Variants in ROBO2 observed in about 807,000 individuals in gnomAD.
ROBO2 encodes roundabout guidance receptor 2.
In ROBO2, 53 loss-of-function variants were observed where a neutral mutation model predicts 160.8. The ratio of observed to expected loss-of-function variants is 0.33; its 90% CI spans 0.26 to 0.41. The LOEUF (loss-of-function observed/expected upper bound fraction) is 0.41, where lower values mean the gene tolerates loss of function less well. Ranked by LOEUF, ROBO2 falls within the 10% of genes least tolerant of loss-of-function variation. The pLI is 1.00. For missense variants in ROBO2, 1,577 were observed against 1,722.4 expected, an observed-to-expected ratio of 0.92 and a Z score of 1.49; for synonymous variants, 664 against 611.7, an observed-to-expected ratio of 1.09 and a Z score of -1.26.
chr3:77,426,321 A>G (rs1260416705), intron 2 of ROBO2, among the ~76,000 whole-genome samples: 1 of 152,258 alleles, frequency 6.6e-6, no homozygotes, highest in Non-Finnish European at 1.5e-5. Context: ...TAAAGGAACC[A>G]TGAACAGAGA....
At chr3:76,284,910 A>G (rs145080351) in intron 2 of ROBO2, among the ~76,000 whole-genome samples, 4 of 152,208 alleles carry the variant, frequency 2.6e-5, no homozygotes, top group African/African-American at 9.6e-5. Context: ...TCACAATCCA[A>G]TCTCATTGGT....
intron 2 of ROBO2, among the ~76,000 whole-genome samples, chr3:76,532,585 G>A (rs2082287530): frequency 6.6e-6 from 1 of 152,132 alleles, no homozygotes; most frequent in African/African-American, 2.4e-5. Context: ...TTTATATTCT[G>A]TGTCAGTGGT....
intron 2 of ROBO2, among the ~76,000 whole-genome samples, chr3:76,032,910 G>C (rs939626820): frequency 9.9e-5 from 15 of 152,208 alleles, no homozygotes; most frequent in Admixed American, 9.8e-4. Context: ...AGTTTCAATT[G>C]GATATTATAT....
At chr3:77,295,152 C>A (rs1156577176) in intron 2 of ROBO2, among the ~76,000 whole-genome samples, 1 of 142,366 alleles carries the variant, frequency 7.0e-6, no homozygotes, top group African/African-American at 2.7e-5. Context: ...GTAAAATTGA[C>A]GGTTAAACGG....
At chr3:76,510,332 A>C (rs2107740881) in intron 2 of ROBO2, among the ~76,000 whole-genome samples, 1 of 152,352 alleles carries the variant, frequency 6.6e-6, no homozygotes, top group East Asian at 1.9e-4. Flanking sequence ...GAAATGTCTT[A>C]TAGAAAAGCA....
intron 2 of ROBO2, among the ~76,000 whole-genome samples, chr3:76,687,196 C>T (rs1004413417): frequency 1.3e-5 from 2 of 152,048 alleles, no homozygotes; most frequent in African/African-American, 4.8e-5. Context: ...TTGATCATAG[C>T]ACAGAGGTCA....
intron 2 of ROBO2, among the ~76,000 whole-genome samples, chr3:77,171,629 A>G (rs1560158472): frequency 6.6e-6 from 1 of 152,224 alleles, no homozygotes; most frequent in Non-Finnish European, 1.5e-5. Flanking sequence ...CCAAATGGAC[A>G]CTAATAAGTT....
intron 2 of ROBO2, among the ~76,000 whole-genome samples, chr3:76,742,800 C>A (rs1276597237): frequency 6.7e-6 from 1 of 150,084 alleles, no homozygotes; most frequent in Non-Finnish European, 1.5e-5. Flanking sequence ...ACACACCCAC[C>A]CACCCAACCC....
At chr3:77,089,702 G>C (rs1394853407) in intron 1 of ROBO2, among the ~76,000 whole-genome samples, 1 of 152,090 alleles carries the variant, frequency 6.6e-6, no homozygotes, top group African/African-American at 2.4e-5. Flanking sequence ...ATTTCAAATG[G>C]ATAAAATGGA....
intron 13 of ROBO2, among the ~76,000 whole-genome samples, chr3:77,569,827 G>A (rs1035645038): frequency 1.3e-5 from 2 of 151,644 alleles, no homozygotes; most frequent in African/African-American, 4.8e-5. Context: ...ACAAAATTGG[G>A]TTGTATATAT....
intron 2 of ROBO2, among the ~76,000 whole-genome samples, chr3:76,442,282 G>A (rs2076957913): frequency 1.3e-5 from 2 of 152,140 alleles, no homozygotes; most frequent in South Asian, 4.1e-4. Flanking sequence ...AACTGCCCCA[G>A]CAACTTATCC....
chr3:76,127,713 A>G (rs921289486), intron 2 of ROBO2, among the ~76,000 whole-genome samples: 12 of 151,986 alleles, frequency 7.9e-5, no homozygotes, highest in Non-Finnish European at 1.5e-4. Flanking sequence ...ACAGGTGATA[A>G]CACAACTTCT....
At chr3:77,034,441 C>G (rs992970934) in intron 2 of ROBO2, among the ~76,000 whole-genome samples, 14 of 149,546 alleles carry the variant, frequency 9.4e-5, no homozygotes, top group Admixed American at 9.3e-4. Context: ...TTTGTTTTAT[C>G]AGGCAGAAAT....
chr3:77,186,069 T>C (rs2081258784), intron 2 of ROBO2, among the ~76,000 whole-genome samples: 3 of 151,884 alleles, frequency 2.0e-5, no homozygotes, highest in Middle Eastern at 3.2e-3. Context: ...GACTACAAAT[T>C]GGGTGCAGTG....
At chr3:76,556,170 T>C (rs1047081466) in intron 2 of ROBO2, among the ~76,000 whole-genome samples, 10 of 152,004 alleles carry the variant, frequency 6.6e-5, no homozygotes, top group Admixed American at 3.3e-4. Context: ...ACTCCATAGG[T>C]TGTAGTCCTC....
At chr3:77,159,654 A>C (rs2078315215) in intron 2 of ROBO2, among the ~76,000 whole-genome samples, 1 of 152,212 alleles carries the variant, frequency 6.6e-6, no homozygotes, top group East Asian at 1.9e-4. Flanking sequence ...AGCTCTGTCA[A>C]AAGAAATGTA....
chr3:76,939,414 T>G (rs1559734784), intron 2 of ROBO2, among the ~76,000 whole-genome samples: 1 of 152,226 alleles, frequency 6.6e-6, no homozygotes, highest in Non-Finnish European at 1.5e-5. Context: ...ATACCAGTGA[T>G]GAGCTATAAG....
chr3:76,235,809 A>C (rs1473609256), intron 2 of ROBO2, among the ~76,000 whole-genome samples: 2 of 152,186 alleles, frequency 1.3e-5, no homozygotes, highest in Non-Finnish European at 2.9e-5. Context: ...AAACAGGGGC[A>C]TTTTGGAAGT....
chr3:76,345,172 G>A (rs2074451115), intron 2 of ROBO2, among the ~76,000 whole-genome samples: 1 of 152,088 alleles, frequency 6.6e-6, no homozygotes, highest in South Asian at 2.1e-4. Flanking sequence ...GGTGTGTCGG[G>A]GAGGAGGTGT....
Sources: allele counts gnomAD v4.1 joint callset (sites outside exome capture counted in the v4.1 genomes callset), GRCh38; gene constraint gnomAD v4.1.1; transcripts MANE v1.5; gene names NCBI Gene and HGNC (gene_info 2026-07-23, HGNC 2026-07-21).